The following DOCK10 variants were observed in gnomAD, a reference collection of about 807,000 sequenced individuals.
DOCK10 encodes dedicator of cytokinesis protein 10.
Under a neutral mutation model 280.1 loss-of-function variants are expected in DOCK10, and 145 were observed. That is an observed-to-expected ratio of 0.52 (90% CI 0.45 to 0.59). DOCK10 has a LOEUF of 0.59. DOCK10 is among the 20% of genes least tolerant of loss of function. DOCK10 has a pLI of 0.00. For missense variants in DOCK10, 2,368 were observed against 2,651.7 expected (o/e 0.89, Z 2.35); for synonymous variants, 915 against 942.2 (o/e 0.97, Z 0.53).
At chr2:224,873,019 G>A (rs1273449411) in intron 11 of DOCK10, among the ~76,000 whole-genome samples, 1 of 152,102 alleles carries the variant, frequency 6.6e-6, no homozygotes, top group Admixed American at 6.5e-5. Context: ...ACAATCTAGT[G>A]GGACTGCCTG....
At chr2:225,021,219 CA>C (rs1689776488) in intron 1 of DOCK10, among the ~76,000 whole-genome samples, 1 of 152,138 alleles carries the variant, frequency 6.6e-6, no homozygotes, top group Admixed American at 6.5e-5. Context: ...AATTACATAA[CA>C]AACAAACAAA....
intron 40 of DOCK10, 81 bp from the exon 41 acceptor site, chr2:224,800,344 A>G: frequency 6.4e-6 from 5 of 785,430 alleles, no homozygotes; most frequent in Non-Finnish European, 1.0e-5. Context: ...TCATTACAAT[A>G]TATTCAAAGT....
intron 1 of DOCK10, among the ~76,000 whole-genome samples, chr2:224,962,730 A>G (rs1160481180): frequency 6.6e-6 from 1 of 152,198 alleles, no homozygotes; most frequent in Non-Finnish European, 1.5e-5. Context: ...TTAATCCTAC[A>G]TTTACATTAA....
chr2:224,778,856 A>G (rs1278625911), intron 50 of DOCK10, among the ~76,000 whole-genome samples: 1 of 152,216 alleles, frequency 6.6e-6, no homozygotes, highest in African/African-American at 2.4e-5. Context: ...CTATTTAAAA[A>G]ATAACTTTAC....
chr2:224,987,703 TC>T (rs571266700), intron 1 of DOCK10, among the ~76,000 whole-genome samples: 80 of 152,238 alleles, frequency 5.3e-4, no homozygotes, highest in African/African-American at 1.9e-3. Context: ...GTTCCTTCTC[TC>T]CCTGATCCCA....
At chr2:224,887,674 T>C (rs570720081) in intron 4 of DOCK10, among the ~76,000 whole-genome samples, 3 of 152,300 alleles carry the variant, frequency 2.0e-5, no homozygotes, top group African/African-American at 7.2e-5. Context: ...GTAAATTTTA[T>C]TGGATATGCT....
chr2:224,776,781 A>C (rs1690895647), intron 51 of DOCK10, among the ~76,000 whole-genome samples: 1 of 152,096 alleles, frequency 6.6e-6, no homozygotes, highest in Admixed American at 6.6e-5. Flanking sequence ...TCCCTCTTTC[A>C]TTCCTCCCCA....
intron 2 of DOCK10, among the ~76,000 whole-genome samples, chr2:224,922,889 T>C (rs751381877): frequency 6.6e-6 from 1 of 152,210 alleles, no homozygotes; most frequent in Non-Finnish European, 1.5e-5. Flanking sequence ...TGGGGAGTTA[T>C]AAGCCTCACA....
intron 2 of DOCK10, among the ~76,000 whole-genome samples, chr2:224,926,688 G>T (rs910127311): frequency 2.6e-5 from 4 of 152,180 alleles, no homozygotes; most frequent in African/African-American, 9.7e-5. Flanking sequence ...GCCAAAGCAG[G>T]AAGTATTTTC....
chr2:224,943,400 T>C (rs2126086058), intron 1 of DOCK10, among the ~76,000 whole-genome samples: 1 of 152,234 alleles, frequency 6.6e-6, no homozygotes, highest in East Asian at 1.9e-4. Flanking sequence ...GGGTATAAAA[T>C]CTGGGTTGCA....
chr2:224,905,462 G>A (rs1700567107), intron 3 of DOCK10, among the ~76,000 whole-genome samples: 1 of 150,824 alleles, frequency 6.6e-6, no homozygotes, highest in Non-Finnish European at 1.5e-5. Context: ...TGTTAGCCAG[G>A]ATGGTCTCGA....
intron 31 of DOCK10, among the ~76,000 whole-genome samples, chr2:224,811,889 C>A (rs945256653): frequency 5.9e-5 from 9 of 152,064 alleles, no homozygotes; most frequent in African/African-American, 2.2e-4. Context: ...GTTACTGTAG[C>A]CTTGTAGTAT....
intron 31 of DOCK10, among the ~76,000 whole-genome samples, chr2:224,813,383 A>T (rs1574864981): frequency 6.6e-6 from 1 of 152,208 alleles, no homozygotes; most frequent in African/African-American, 2.4e-5. Context: ...TTTAGTAGAG[A>T]TGGGGTTTCA....
At chr2:224,947,183 T>A (rs13428422) in intron 1 of DOCK10, 7 of 517,078 alleles carry the variant, frequency 1.4e-5, no homozygotes, top group Non-Finnish European at 2.1e-5. Flanking sequence ...ATATCCTCCC[T>A]CTTCACCTGC....
chr2:224,887,776 A>G (rs1431805321), intron 4 of DOCK10, among the ~76,000 whole-genome samples: 1 of 152,232 alleles, frequency 6.6e-6, no homozygotes, highest in African/African-American at 2.4e-5. Flanking sequence ...TCATCTCAAT[A>G]GTTACTTTTT....
At chr2:224,916,568 C>A (rs923757716) in intron 3 of DOCK10, 127 bp downstream of exon 3, 9 of 516,960 alleles carry the variant, frequency 1.7e-5, no homozygotes, top group African/African-American at 1.6e-4. Flanking sequence ...AAAAAGACAT[C>A]CACTAGTTAG....
At chr2:224,879,024 A>G (rs1187769438) in intron 7 of DOCK10, among the ~76,000 whole-genome samples, 2 of 152,250 alleles carry the variant, frequency 1.3e-5, no homozygotes, top group Non-Finnish European at 2.9e-5. Context: ...GAAAACAAAT[A>G]TATTTAAATT....
At chr2:224,978,173 G>A (rs1705543425) in intron 1 of DOCK10, among the ~76,000 whole-genome samples, 1 of 152,198 alleles carries the variant, frequency 6.6e-6, no homozygotes, top group African/African-American at 2.4e-5. Flanking sequence ...GGTGGCTCAT[G>A]CCTGTAATAC....
At chr2:224,946,708 G>T (rs565395314) in intron 1 of DOCK10, 25 of 511,086 alleles carry the variant, frequency 4.9e-5, no homozygotes, top group Non-Finnish European at 7.5e-5. Context: ...AGAATATTTA[G>T]GACCCAAATG....
Sources: gnomAD v4.1 joint callset for allele counts (sites outside exome capture counted in the v4.1 genomes callset) on GRCh38, gnomAD v4.1.1 for gene constraint, MANE v1.5 for transcripts, NCBI Gene and HGNC (gene_info 2026-07-23, HGNC 2026-07-21) for gene names.